EFEMP1: variants seen among roughly 807,000 people sequenced by gnomAD.
The protein encoded by EFEMP1 is EGF-containing fibulin-like extracellular matrix protein 1.
Under a neutral mutation model 65.7 loss-of-function variants are expected in EFEMP1, and 18 were observed. That is an observed-to-expected ratio of 0.27 (90% CI 0.19 to 0.41). The LOEUF is 0.41. EFEMP1 is among the 10% of genes least tolerant of loss of function. The pLI is 1.00. For missense variants in EFEMP1, 469 were observed against 624.8 expected (o/e 0.75, Z 2.66); for synonymous variants, 237 against 219.7 (o/e 1.08, Z -0.70).
Position 55,923,449 on chromosome 2 carries a change from T to C in EFEMP1, c.-49+262A>G, listed in dbSNP as rs541812284. On this transcript the variant is annotated intron_variant, in intron 1 of 11. Coordinates refer to ENST00000355426, the MANE Select transcript of EFEMP1 (RefSeq NM_001039348.3). This position sits in a 1 kb window ranked among gnomAD's most constrained non-coding sequence, Gnocchi z 5.3. ...TCCCCTAAACTTTCAAAACCACGTT[T>C]ATGGGCAAAGCCCTGCCGGCTGGTT... 1.2e-4 allele frequency among the ~76,000 whole-genome samples: 19 copies of C among 152,298 alleles called. No individual in the cohort carries two copies. Among genetic ancestry groups the C allele is most frequent in the African/African-American group, 4.3e-4 (18 of 41,586 alleles).
chr2:55,914,045 G>A (rs1670583862), intron 5 of EFEMP1, among the ~76,000 whole-genome samples: 1 of 152,144 alleles, frequency 6.6e-6, no homozygotes, highest in South Asian at 2.1e-4. Flanking sequence ...CAATAAAGGT[G>A]TAGAAAACTA....
intron 5 of EFEMP1, among the ~76,000 whole-genome samples, chr2:55,887,890 G>A (rs1558469898): frequency 6.6e-6 from 1 of 152,102 alleles, no homozygotes. Context: ...GTTCTCATAG[G>A]AAAAAAATCA....
rs1389227764 is a variant in EFEMP1, at chr2:55,866,523, A to C, written c.*550T>G. ...CCCTACAGAAACCAGCATATTGTAC[A>C]GCAATGATTTATTACTATATAATAA... On this transcript the variant is annotated 3_prime_UTR_variant, in exon 12 of 12. Transcript: ENST00000355426. 1.3e-5 allele frequency: 2 copies of C among 152,836 alleles called. No homozygotes were observed. Among genetic ancestry groups the C allele is most frequent in the African/African-American group, 4.8e-5 (2 of 41,468 alleles). 9.5% of individuals were successfully genotyped at this position (152,836 alleles called of 1,614,324 possible). A position where few individuals can be genotyped will look rare whatever the true frequency, so the allele number is the denominator to read the frequency against.
At chr2:55,897,672 G>A (rs1220261930) in intron 5 of EFEMP1, among the ~76,000 whole-genome samples, 2 of 152,096 alleles carry the variant, frequency 1.3e-5, no homozygotes, top group Non-Finnish European at 2.9e-5. Context: ...TTAAATTCTT[G>A]TTTTATTAGC....
Position 55,871,163 on chromosome 2 carries a change from A to G in EFEMP1, c.1001-40T>C, listed in dbSNP as rs184366921. 94 of 1,612,114 alleles carry G rather than the reference A, an allele frequency of 5.8e-5. No homozygotes were observed. The African/African-American group carries it at 1.0e-3, about 17-fold the overall frequency. ...GGTCAAAGAGTTTACTAACTAAACT[A>G]ATGAACTGATCTAATTAAATCATAT... On this transcript the variant is annotated intron_variant, in intron 9 of 11. Transcript: ENST00000355426. The surrounding 1 kb of genome is among the most constrained non-coding windows in gnomAD (Gnocchi z 4.2).
chr2:55,897,895 A>G (rs890107165), intron 5 of EFEMP1, among the ~76,000 whole-genome samples: 18 of 152,204 alleles, frequency 1.2e-4, no homozygotes, highest in Non-Finnish European at 2.2e-4. Context: ...GAATGGGCCT[A>G]TGGATAATTG....
chr2:55,899,771 T>C (rs1248369196), intron 5 of EFEMP1, among the ~76,000 whole-genome samples: 1 of 152,212 alleles, frequency 6.6e-6, no homozygotes, highest in East Asian at 1.9e-4. Flanking sequence ...GAGCTCATTA[T>C]CAGGAAAGTG....
intron 5 of EFEMP1, among the ~76,000 whole-genome samples, chr2:55,897,445 A>G (rs1669870859): frequency 6.6e-6 from 1 of 152,206 alleles, no homozygotes; most frequent in Admixed American, 6.5e-5. Context: ...GACCCCCACC[A>G]TTGAGAAGGA....
In EFEMP1 at chr2:55,870,017, A is replaced by G. The variant is rs929945448; in HGVS notation, c.1320+703T>C. ...GATAGGGATGTGAGGAAGCAAAGAT[A>G]ACCCAGGAGACAGTGTGAAGAGGGA... On this transcript the variant is annotated intron_variant, in intron 11 of 11. Coordinates refer to ENST00000355426, the MANE Select transcript of EFEMP1 (RefSeq NM_001039348.3). The surrounding 1 kb of genome is among the most constrained non-coding windows in gnomAD (Gnocchi z 5.8). Among the ~76,000 whole-genome samples the G allele has an allele frequency of 1.3e-5, 2 of 152,118 alleles. No individual in the cohort carries two copies. Among genetic ancestry groups the G allele is most frequent in the Non-Finnish European group, 2.9e-5 (2 of 68,026 alleles).
At position 55,883,740 on chromosome 2, in the gene EFEMP1, T is replaced by A. The variant is rs1040356446; in HGVS notation, c.518-2006A>T. Among the ~76,000 whole-genome samples the A allele has an allele frequency of 2.0e-5, 3 of 152,298 alleles. No homozygotes were observed. The highest frequency in any genetic ancestry group is 3.9e-4 in the East Asian group (2 of 5,192). ...TACTTTCTTGTTGCTCATTTCTTAG[T>A]GTCTGATAAATAGGCTAACATTTCC... On this transcript the variant is annotated intron_variant, in intron 5 of 11. Transcript: ENST00000355426. This position sits in a 1 kb window ranked among gnomAD's most constrained non-coding sequence, Gnocchi z 4.5.
chr2:55,906,873 T>TG (rs1670300128), intron 5 of EFEMP1, among the ~76,000 whole-genome samples: 1 of 152,170 alleles, frequency 6.6e-6, no homozygotes, highest in Admixed American at 6.5e-5. Context: ...TATAAAATAG[T>TG]GGGTCAGGAT....
chr2:55,883,213 T>C lies in EFEMP1; in HGVS notation c.518-1479A>G, dbSNP rs1383374914. Among the ~76,000 whole-genome samples the C allele has an allele frequency of 6.6e-6, 1 of 152,192 alleles. No individual in the cohort carries two copies. Among genetic ancestry groups the C allele is most frequent in the Non-Finnish European group, 1.5e-5 (1 of 68,034 alleles). On this transcript the variant is annotated intron_variant, in intron 5 of 11. Transcript: ENST00000355426. This position sits in a 1 kb window ranked among gnomAD's most constrained non-coding sequence, Gnocchi z 4.5. ...ATCCACTTACGTAATTCTTTGAACTTGGTTTTAAAGTTTTGGCTAAGGTTT... is the reference window on the plus strand; with the variant it reads ...ATCCACTTACGTAATTCTTTGAACTCGGTTTTAAAGTTTTGGCTAAGGTTT...
Position 55,917,895 on chromosome 2 carries a change from C to A in EFEMP1, c.287G>T (p.Gly96Val). Residue 96 changes from glycine (G) to valine (V), a missense_variant, in exon 5 of 12, where the codon GGG becomes GTG. Physicochemically the swap from Gly to Val is moderately radical, Grantham distance 109. Coordinates refer to ENST00000355426, the MANE Select transcript of EFEMP1 (RefSeq NM_001039348.3). This position sits in a 1 kb window ranked among gnomAD's most constrained non-coding sequence, Gnocchi z 6.3. ...QETQPAEGTS[G>V]ATTGVVAASS... The stretch of plus-strand genomic sequence containing the variant: ...GGCAGCTACAACCCCGGTGGTTGCC[C>A]CTGAGGTTCCTTCTGCTGGTTGTGT... The A allele has an allele frequency of 6.2e-7, 1 of 1,614,150 alleles. No individual in the cohort carries two copies. Among genetic ancestry groups the A allele is most frequent in the South Asian group, 1.1e-5 (1 of 91,068 alleles).
chr2:55,912,372 G>T (rs960782639), intron 5 of EFEMP1, among the ~76,000 whole-genome samples: 7 of 152,134 alleles, frequency 4.6e-5, no homozygotes, highest in Non-Finnish European at 1.0e-4. Flanking sequence ...ACAATGCCAG[G>T]TATCTAAGCC....
intron 9 of EFEMP1, among the ~76,000 whole-genome samples, chr2:55,874,564 T>C (rs1270576740): frequency 6.6e-6 from 1 of 152,078 alleles, no homozygotes; most frequent in Non-Finnish European, 1.5e-5. Context: ...TTTAGAGGGC[T>C]AAGACTGGAT....
At chr2:55,893,017 T>C (rs1669689967) in intron 5 of EFEMP1, among the ~76,000 whole-genome samples, 1 of 152,170 alleles carries the variant, frequency 6.6e-6, no homozygotes, top group South Asian at 2.1e-4. Flanking sequence ...CCTAGAAATG[T>C]AATAATTTGT....
intron 5 of EFEMP1, among the ~76,000 whole-genome samples, chr2:55,904,966 C>CTTTTTTTTTTTTTTTTTTTTTTTTT (rs796758221): frequency 7.1e-5 from 5 of 70,558 alleles, no homozygotes; most frequent in Admixed American, 2.5e-4. Context: ...GGGATAGTGG[C>CTTTTTTTTTTTTTTTTTTTTTTTTT]TTTTTTTTTT....
At position 55,917,840 on chromosome 2, in the gene EFEMP1, G is replaced by A. The variant is rs765506968; in HGVS notation, c.342C>T (p.Pro114=). The A allele has an allele frequency of 5.6e-6, 9 of 1,614,178 alleles. No homozygotes were observed. Among genetic ancestry groups the A allele is most frequent in the East Asian group, 4.5e-5 (2 of 44,886 alleles). The change falls in exon 5 of 12, where the codon CCC becomes CCT. Residue 114 remains proline, a synonymous_variant. Transcript: ENST00000355426. This position sits in a 1 kb window ranked among gnomAD's most constrained non-coding sequence, Gnocchi z 6.3. The part of the protein sequence containing the change: ...ASSMATSGVL[P]GGGFVASAAA... ...CAGCACTGGCCACAAAACCACCCCC[G>A]GGCAACACTCCACTGGTTGCCATGC...
Position 55,923,024 on chromosome 2 carries a change from C to T in EFEMP1, c.-48-85G>A. On this transcript the variant is annotated intron_variant, in intron 1 of 11. Coordinates refer to ENST00000355426, the MANE Select transcript of EFEMP1 (RefSeq NM_001039348.3). This position sits in a 1 kb window ranked among gnomAD's most constrained non-coding sequence, Gnocchi z 5.3. Reference sequence around the variant, plus strand: ...AAACAAAACTCGGAGAGCAATCTTCCAGTTCTAGTAGAATACTAGACCTTC... The same window carrying T: ...AAACAAAACTCGGAGAGCAATCTTCTAGTTCTAGTAGAATACTAGACCTTC... 1.1e-6 allele frequency: 1 copy of T among 943,570 alleles called. No homozygotes were observed. The highest frequency in any genetic ancestry group is 1.3e-6 in the Non-Finnish European group (1 of 783,322). 58.4% of individuals were successfully genotyped at this position (943,570 alleles called of 1,614,324 possible). A position where few individuals can be genotyped will look rare whatever the true frequency, so the allele number is the denominator to read the frequency against.
Sources: allele counts gnomAD v4.1 joint callset (sites outside exome capture counted in the v4.1 genomes callset), GRCh38; gene constraint gnomAD v4.1.1; non-coding constraint Gnocchi (gnomAD v3.1); transcripts MANE v1.5; gene names NCBI Gene and HGNC (gene_info 2026-07-23, HGNC 2026-07-21).